Variants in FAIM2 observed in about 807,000 individuals in gnomAD.
FAIM2 encodes the protein protein lifeguard 2.
A neutral mutation model predicts 47.4 loss-of-function variants in FAIM2; 27 were observed. That is an observed-to-expected ratio of 0.57 (90% CI 0.42 to 0.78). FAIM2 has a LOEUF of 0.78. Among genes scored for constraint, FAIM2 ranks in the 30% least tolerant of loss-of-function variants. FAIM2 has a pLI of 0.00. For missense variants in FAIM2, 311 were observed against 389.4 expected (o/e 0.80, Z 1.69); for synonymous variants, 156 against 159.3 (o/e 0.98, Z 0.16).
intron 10 of FAIM2, among the ~76,000 whole-genome samples, chr12:49,888,827 T>A (rs143023179): frequency 6.6e-6 from 1 of 152,280 alleles, no homozygotes; most frequent in East Asian, 1.9e-4. Flanking sequence ...CTCCACACCC[T>A]ACCCTCAATC....
intron 5 of FAIM2, among the ~76,000 whole-genome samples, chr12:49,894,364 C>T (rs968631872): frequency 7.9e-5 from 12 of 152,134 alleles, no homozygotes; most frequent in African/African-American, 2.9e-4. Context: ...TTTCTCCTGG[C>T]CCACCAGCCC....
intron 11 of FAIM2, among the ~76,000 whole-genome samples, chr12:49,885,790 C>T (rs1462645770): frequency 6.6e-6 from 1 of 152,160 alleles, no homozygotes; most frequent in African/African-American, 2.4e-5. Context: ...GTCATTTATT[C>T]ATTCTACAAT....
chr12:49,880,420 ATGTGCATATC>A (rs1565614925), intron 11 of FAIM2, among the ~76,000 whole-genome samples: 1 of 144,136 alleles, frequency 6.9e-6, no homozygotes, highest in Non-Finnish European at 1.5e-5. Flanking sequence ...GCATGTGTAT[ATGTGCATATC>A]TCTGCATGTT....
At chr12:49,895,309 C>T (rs74614993) in intron 5 of FAIM2, among the ~76,000 whole-genome samples, 1 of 152,110 alleles carries the variant, frequency 6.6e-6, no homozygotes, top group Non-Finnish European at 1.5e-5. Context: ...GATTCTCACA[C>T]TGCACCCTCC....
chr12:49,872,750 C>A (rs1010053248), intron 11 of FAIM2, among the ~76,000 whole-genome samples: 1 of 152,176 alleles, frequency 6.6e-6, no homozygotes, highest in African/African-American at 2.4e-5. Flanking sequence ...TCTGCTCTAC[C>A]ACTCATTAGC....
At position 49,899,579 on chromosome 12, in the gene FAIM2, C is replaced by A. The variant is rs564783815; in HGVS notation, c.212-1489G>T. ...GCCCCTGCACATTCTATTCTTTCAG[C>A]CTTAAACACTCATTTTCCTGCCTCT... On this transcript the variant is annotated intron_variant, in intron 2 of 11. Transcript: ENST00000320634. 1.8e-4 allele frequency among the ~76,000 whole-genome samples: 28 copies of A among 152,342 alleles called. No individual in the cohort carries two copies. The South Asian group carries it at 3.1e-3, about 17-fold the overall frequency.
At chr12:49,884,468 A>G (rs1222744652) in intron 11 of FAIM2, among the ~76,000 whole-genome samples, 1 of 152,196 alleles carries the variant, frequency 6.6e-6, no homozygotes. Flanking sequence ...TTCCTATGTT[A>G]ATGGGACTAC....
In FAIM2 at chr12:49,880,171, T is replaced by C. The variant is rs1321171006; in HGVS notation, c.801+7215A>G. The stretch of plus-strand genomic sequence containing the variant: ...GTGTATGTGTGTGCATGTGTGTATG[T>C]GTGTGTATGCATGTGTGTATATGTG... On this transcript the variant is annotated intron_variant, in intron 11 of 11. Coordinates refer to ENST00000320634, the MANE Select transcript of FAIM2 (RefSeq NM_012306.4). Among the ~76,000 whole-genome samples, 3 of 144,482 alleles carry C rather than the reference T, an allele frequency of 2.1e-5. No homozygotes were observed. The East Asian group carries it at 5.9e-4, about 29-fold the overall frequency. 94.8% of individuals were successfully genotyped at this position (144,482 alleles called of 152,430 possible).
intron 11 of FAIM2, among the ~76,000 whole-genome samples, chr12:49,885,313 G>A (rs957232925): frequency 6.6e-6 from 1 of 152,260 alleles, no homozygotes; most frequent in Non-Finnish European, 1.5e-5. Flanking sequence ...CCCCCCATGG[G>A]TGCTCACTGC....
At chr12:49,899,248 C>T (rs890183979) in intron 2 of FAIM2, among the ~76,000 whole-genome samples, 7 of 152,186 alleles carry the variant, frequency 4.6e-5, no homozygotes, top group Non-Finnish European at 7.3e-5. Context: ...CCATGTGCCC[C>T]TCATCGTGGC....
intron 11 of FAIM2, among the ~76,000 whole-genome samples, chr12:49,886,255 G>A (rs901611668): frequency 2.6e-5 from 4 of 152,176 alleles, no homozygotes; most frequent in African/African-American, 7.2e-5. Flanking sequence ...TGAGCAGGAG[G>A]CCTGTGTTGG....
At chr12:49,889,678 C>A in intron 8 of FAIM2, 110 bp from the exon 9 acceptor site, 1 of 877,560 alleles carries the variant, frequency 1.1e-6, no homozygotes, top group Non-Finnish European at 1.8e-6. Flanking sequence ...GATCCCTGGC[C>A]CCAGTCTGGT....
chr12:49,898,586 C>T (rs1344676856), intron 2 of FAIM2, among the ~76,000 whole-genome samples: 2 of 152,160 alleles, frequency 1.3e-5, no homozygotes, highest in South Asian at 4.1e-4. Context: ...AGTGCAGTGG[C>T]ATGATCATGG....
In FAIM2 at chr12:49,878,182, ATATG is replaced by A. The variant is rs1376264431; in HGVS notation, c.802-7533_802-7530del. On this transcript the variant is annotated intron_variant, in intron 11 of 11. Transcript: ENST00000320634. ...AGTGTATGTGTGTATGTGCATGTGT[ATATG>A]TGTGTGCATATGTGTATGTATGTGC... Among the ~76,000 whole-genome samples, 5 of 52,876 alleles carry A rather than the reference ATATG, an allele frequency of 9.5e-5. 1 individual carries two copies. The highest frequency in any genetic ancestry group is 4.2e-4 in the Admixed American group (2 of 4,794). The allele number at this position is 52,876 out of a possible 152,430, so 34.7% of individuals were successfully genotyped here.
intron 11 of FAIM2, among the ~76,000 whole-genome samples, chr12:49,875,342 G>A (rs1469746393): frequency 6.6e-6 from 1 of 152,286 alleles, no homozygotes; most frequent in Admixed American, 6.5e-5. Context: ...GGGACAGCTA[G>A]AGGGTGAGCT....
In FAIM2 at chr12:49,889,553, G is replaced by T; in HGVS notation, c.579C>A (p.Thr193=). The T allele has an allele frequency of 1.2e-6, 2 of 1,614,060 alleles. No individual in the cohort carries two copies. The highest frequency in any genetic ancestry group is 1.7e-6 in the Non-Finnish European group (2 of 1,179,948). The change falls in exon 9 of 12, where the codon ACC becomes ACA. Residue 193 remains threonine (T), a synonymous_variant. Coordinates refer to ENST00000320634, the MANE Select transcript of FAIM2 (RefSeq NM_012306.4). ...TGMLSSYYNT[T]SVLLCLGITA... is the part of the protein sequence containing the mutation. Reference sequence around the variant, plus strand: ...TGATGCCCAGGCACAGCAGCACGGAGGTGGTGTTGTAGTAGCTGAGGACCG... The same window carrying T: ...TGATGCCCAGGCACAGCAGCACGGATGTGGTGTTGTAGTAGCTGAGGACCG...
At chr12:49,884,599 C>A (rs1236712493) in intron 11 of FAIM2, among the ~76,000 whole-genome samples, 2 of 152,204 alleles carry the variant, frequency 1.3e-5, no homozygotes, top group Non-Finnish European at 2.9e-5. Context: ...TTGAAGGGAA[C>A]CACAGGGGCA....
intron 9 of FAIM2, 74 bp from the exon 10 acceptor site, chr12:49,889,276 T>C: frequency 8.6e-7 from 1 of 1,165,998 alleles, no homozygotes; most frequent in African/African-American, 1.5e-5. Flanking sequence ...GCTGAGCCCA[T>C]ACAGCAGGCC....
At chr12:49,895,447 C>G (rs542226276) in intron 5 of FAIM2, among the ~76,000 whole-genome samples, 2 of 152,256 alleles carry the variant, frequency 1.3e-5, no homozygotes, top group East Asian at 1.9e-4. Flanking sequence ...CCAGAAGGCT[C>G]AGAGAGGGGC....
Sources: allele counts gnomAD v4.1 joint callset (sites outside exome capture counted in the v4.1 genomes callset), GRCh38; gene constraint gnomAD v4.1.1; transcripts MANE v1.5; gene names NCBI Gene and HGNC (gene_info 2026-07-23, HGNC 2026-07-21).